The following LRFN2 variants were observed in gnomAD, a reference collection of about 807,000 sequenced individuals.
The protein encoded by LRFN2 is leucine-rich repeat and fibronectin type-III domain-containing protein 2.
A neutral mutation model predicts 37.3 loss-of-function variants in LRFN2; 18 were observed. The ratio of observed to expected loss-of-function variants is 0.48; its 90% CI spans 0.33 to 0.72. LRFN2 has a LOEUF of 0.72. LRFN2 is among the 30% of genes least tolerant of loss of function. The probability of loss-of-function intolerance (pLI) is 0.02; values close to 1 mark genes in which losing one functional copy is unlikely to be tolerated. For missense variants in LRFN2, 1,006 were observed against 1,060.7 expected (o/e 0.95, Z 0.72); for synonymous variants, 556 against 466.6 (o/e 1.19, Z -2.47).
intron 1 of LRFN2, among the ~76,000 whole-genome samples, chr6:40,449,891 T>A (rs1274429716): frequency 2.0e-5 from 3 of 152,066 alleles, no homozygotes; most frequent in African/African-American, 7.2e-5. Context: ...GAAAAAAAAA[T>A]TCTATCTCAT....
chr6:40,488,744 G>A (rs1482680493), intron 1 of LRFN2, among the ~76,000 whole-genome samples: 1 of 152,172 alleles, frequency 6.6e-6, no homozygotes, highest in Non-Finnish European at 1.5e-5. Context: ...GTGTTTTAGG[G>A]GTAGTTCCAG....
chr6:40,565,783 T>G (rs1767078960), intron 1 of LRFN2, among the ~76,000 whole-genome samples: 1 of 151,754 alleles, frequency 6.6e-6, no homozygotes. Context: ...ATAAAAACCC[T>G]AGAAGAAAAC....
intron 1 of LRFN2, among the ~76,000 whole-genome samples, chr6:40,546,682 AAGTTTACTG>A (rs2113919604): frequency 6.6e-6 from 1 of 152,330 alleles, no homozygotes; most frequent in African/African-American, 2.4e-5. Context: ...GCAAGAGCTT[AAGTTTACTG>A]AGTATTGACT....
At chr6:40,569,514 T>C (rs927414054) in intron 1 of LRFN2, among the ~76,000 whole-genome samples, 3 of 152,152 alleles carry the variant, frequency 2.0e-5, no homozygotes, top group Non-Finnish European at 4.4e-5. Flanking sequence ...GGGGTTTATA[T>C]CAGCCCAGAG....
chr6:40,504,553 G>C (rs956148449), intron 1 of LRFN2, among the ~76,000 whole-genome samples: 1 of 152,166 alleles, frequency 6.6e-6, no homozygotes, highest in African/African-American at 2.4e-5. Flanking sequence ...GCACATTCTG[G>C]AGCTGTGGGC....
At chr6:40,519,647 G>A (rs1329443251) in intron 1 of LRFN2, among the ~76,000 whole-genome samples, 1 of 152,224 alleles carries the variant, frequency 6.6e-6, no homozygotes, top group Non-Finnish European at 1.5e-5. Context: ...AGCCTCTCCA[G>A]TCAAACCAGG....
In LRFN2 at chr6:40,525,632, A is replaced by C. The variant is rs921567863; in HGVS notation, c.-19+61309T>G. Among the ~76,000 whole-genome samples the C allele has an allele frequency of 2.6e-5, 4 of 152,206 alleles. No homozygotes were observed. In the East Asian group the frequency reaches 7.7e-4, roughly 29 times the overall value. On this transcript the variant is annotated intron_variant, in intron 1 of 2. Transcript: ENST00000338305. ...ATGAGCAAAGAGAACTGAGATTTAC[A>C]CATGCTCCGAGCCCACCCTTTGCCC...
intron 1 of LRFN2, among the ~76,000 whole-genome samples, chr6:40,511,814 T>C (rs962496447): frequency 5.9e-5 from 9 of 152,184 alleles, no homozygotes; most frequent in African/African-American, 1.2e-4. Flanking sequence ...AAAGTTCTAA[T>C]ATGATGATTC....
At position 40,392,564 on chromosome 6, in the gene LRFN2, C is replaced by T. The variant is rs1417297723; in HGVS notation, c.1749G>A (p.Gln583=). 2 of 1,602,898 alleles carry T rather than the reference C, an allele frequency of 1.2e-6. No homozygotes were observed. The highest frequency in any genetic ancestry group is 1.7e-6 in the Non-Finnish European group (2 of 1,178,338). The change falls in exon 3 of 3, where the codon CAG becomes CAA. Residue 583 remains glutamine (Q), a synonymous_variant. Transcript: ENST00000338305. This position sits in a 1 kb window ranked among gnomAD's most constrained non-coding sequence, Gnocchi z 4.7. ...SNVYSQTNGA[Q]PPPPSSAPAG... ...CTGGTGCGCTGCTTGGAGGCGGTGG[C>T]TGGGCGCCGTTGGTCTGCGAGTACA...
At chr6:40,405,510 G>T (rs750413265) in intron 2 of LRFN2, among the ~76,000 whole-genome samples, 1 of 152,126 alleles carries the variant, frequency 6.6e-6, no homozygotes, top group African/African-American at 2.4e-5. Flanking sequence ...AGTAAGCCCC[G>T]CATGAGGGTC....
chr6:40,520,458 G>C (rs1766028501), intron 1 of LRFN2, among the ~76,000 whole-genome samples: 2 of 152,164 alleles, frequency 1.3e-5, no homozygotes, highest in South Asian at 4.1e-4. Context: ...GATAATGCTA[G>C]GTTTATGCTC....
intron 1 of LRFN2, among the ~76,000 whole-genome samples, chr6:40,504,021 C>T (rs535697627): frequency 6.0e-5 from 9 of 150,990 alleles, no homozygotes; most frequent in East Asian, 5.9e-4. Flanking sequence ...ATAGGAGGGT[C>T]GCCAGAGGGC....
chr6:40,492,586 C>T (rs1765118338), intron 1 of LRFN2, among the ~76,000 whole-genome samples: 1 of 152,204 alleles, frequency 6.6e-6, no homozygotes, highest in African/African-American at 2.4e-5. Context: ...GGCTTCTCAG[C>T]CTTGATACAA....
intron 1 of LRFN2, among the ~76,000 whole-genome samples, chr6:40,543,524 G>A (rs936261648): frequency 3.3e-5 from 5 of 152,058 alleles, no homozygotes; most frequent in Non-Finnish European, 7.4e-5. Flanking sequence ...CACTCACCTA[G>A]CGAAACAAGC....
intron 1 of LRFN2, among the ~76,000 whole-genome samples, chr6:40,492,824 G>A (rs1765123479): frequency 6.6e-6 from 1 of 152,098 alleles, no homozygotes; most frequent in Non-Finnish European, 1.5e-5. Context: ...GAGAGGAGGG[G>A]GTCACAGGAA....
Position 40,585,908 on chromosome 6 carries a change from T to C in LRFN2, c.-19+1033A>G, listed in dbSNP as rs149331383. ...GTGGCCAGGGGAGGGGGTCATCATC[T>C]ATAGCCATGCCTGTAACTCCAACTC... is the stretch of plus-strand genomic sequence containing the variant. On this transcript the variant is annotated intron_variant, in intron 1 of 2. Coordinates refer to ENST00000338305, the MANE Select transcript of LRFN2 (RefSeq NM_020737.3). 4.1e-4 allele frequency among the ~76,000 whole-genome samples: 63 copies of C among 152,122 alleles called. No individual in the cohort carries two copies. The South Asian group carries it at 5.8e-3, about 14-fold the overall frequency.
rs756027621 is a variant in LRFN2 at position 40,392,360 on chromosome 6, G to T, written c.1953C>A (p.Pro651=). 4.0e-5 allele frequency: 64 copies of T among 1,605,680 alleles called. No homozygotes were observed. In the Admixed American group the frequency reaches 1.1e-3, roughly 27 times the overall value. ...RIPPSAPRPK[P]SLDRLMGAFA... is the part of the protein sequence containing the mutation. Reference sequence around the variant, plus strand: ...AGGCCCCCATCAGGCGGTCAAGGCTGGGCTTGGGGCGCGGGGCGGAGGGTG... The same window carrying T: ...AGGCCCCCATCAGGCGGTCAAGGCTTGGCTTGGGGCGCGGGGCGGAGGGTG... Residue 651 remains proline (P), a synonymous_variant, in exon 3 of 3, where the codon CCC becomes CCA. Coordinates refer to ENST00000338305, the MANE Select transcript of LRFN2 (RefSeq NM_020737.3). This position sits in a 1 kb window ranked among gnomAD's most constrained non-coding sequence, Gnocchi z 4.7.
intron 1 of LRFN2, among the ~76,000 whole-genome samples, chr6:40,498,329 C>T (rs1250919623): frequency 6.6e-6 from 1 of 152,134 alleles, no homozygotes; most frequent in Admixed American, 6.5e-5. Flanking sequence ...AAGCTGCATT[C>T]ATGGCTGAAG....
intron 1 of LRFN2, among the ~76,000 whole-genome samples, chr6:40,562,357 C>A (rs1767013279): frequency 1.3e-5 from 2 of 151,916 alleles, no homozygotes; most frequent in South Asian, 4.2e-4. Context: ...CTAATGCAGA[C>A]CTAAGGGCCC....
Sources: allele counts gnomAD v4.1 joint callset (sites outside exome capture counted in the v4.1 genomes callset), GRCh38; gene constraint gnomAD v4.1.1; non-coding constraint Gnocchi (gnomAD v3.1); transcripts MANE v1.5; gene names NCBI Gene and HGNC (gene_info 2026-07-23, HGNC 2026-07-21).